The following ARHGEF4 variants were observed in gnomAD, a reference collection of about 807,000 sequenced individuals.
ARHGEF4 encodes the protein Rho guanine nucleotide exchange factor 4.
ARHGEF4 carries 119 observed loss-of-function variants against 162.0 expected under a neutral mutation model. That is an observed-to-expected ratio of 0.73 (90% CI 0.63 to 0.86). ARHGEF4 has a LOEUF of 0.86. Ranked by LOEUF, ARHGEF4 falls within the 40% of genes least tolerant of loss-of-function variation. The pLI is 0.00. For missense variants in ARHGEF4, 2,488 were observed against 2,456.0 expected (o/e 1.01, Z -0.28); for synonymous variants, 1,014 against 979.9 (o/e 1.03, Z -0.65).
intron 2 of ARHGEF4, among the ~76,000 whole-genome samples, chr2:130,927,527 T>C (rs1053072283): frequency 6.6e-6 from 1 of 152,174 alleles, no homozygotes; most frequent in African/African-American, 2.4e-5. Flanking sequence ...GTTGCATGGT[T>C]TTTACCTAAT....
intron 1 of ARHGEF4, among the ~76,000 whole-genome samples, chr2:130,890,102 G>C (rs1679775674): frequency 6.6e-6 from 1 of 152,120 alleles, no homozygotes; most frequent in South Asian, 2.1e-4. Flanking sequence ...CTTGAGATTT[G>C]TTGGACTTAA....
At chr2:130,957,871 CCTAA>C (rs952074637) in intron 4 of ARHGEF4, among the ~76,000 whole-genome samples, 8 of 152,090 alleles carry the variant, frequency 5.3e-5, no homozygotes, top group East Asian at 1.9e-4. Flanking sequence ...GTCCAGCTTC[CCTAA>C]CTGTGAGAAA....
intron 3 of ARHGEF4, among the ~76,000 whole-genome samples, chr2:130,933,092 G>A (rs576689699): frequency 6.6e-6 from 1 of 151,984 alleles, no homozygotes; most frequent in African/African-American, 2.4e-5. Flanking sequence ...GCACGCACCT[G>A]TACTCCCAGC....
chr2:130,867,629 TAAATC>T (rs759682495), intron 1 of ARHGEF4, among the ~76,000 whole-genome samples: 64 of 152,282 alleles, frequency 4.2e-4, no homozygotes, highest in Non-Finnish European at 7.6e-4. Context: ...GAAAAGGAAA[TAAATC>T]AACAGGCAAT....
At chr2:130,876,432 C>T (rs72658774) in intron 1 of ARHGEF4, among the ~76,000 whole-genome samples, 2,223 of 152,288 alleles carry the variant, frequency 0.015, 55 homozygotes, top group African/African-American at 0.051. Context: ...GTCTCTGTCA[C>T]CCAGGCTGGA....
chr2:131,034,994 G>C (rs1690134359), intron 5 of ARHGEF4: 1 of 983,884 alleles, frequency 1.0e-6, no homozygotes, highest in African/African-American at 1.8e-5. Context: ...CCAGGCCCGC[G>C]AGCGCAGGCG....
At chr2:130,944,477 C>T (rs1020016945) in intron 3 of ARHGEF4, among the ~76,000 whole-genome samples, 1 of 152,082 alleles carries the variant, frequency 6.6e-6, no homozygotes, top group South Asian at 2.1e-4. Context: ...TCTCTCTGTT[C>T]TTCAATTGGA....
At chr2:130,848,876 C>T (rs866042679) in intron 1 of ARHGEF4, among the ~76,000 whole-genome samples, 2 of 152,258 alleles carry the variant, frequency 1.3e-5, no homozygotes, top group African/African-American at 2.4e-5. Context: ...AGGTGCCAGG[C>T]ACCAGCCCCC....
intron 2 of ARHGEF4, among the ~76,000 whole-genome samples, chr2:130,923,704 G>A (rs1275444345): frequency 1.3e-5 from 2 of 152,076 alleles, no homozygotes; most frequent in South Asian, 2.1e-4. Context: ...TGACGGTGGG[G>A]CACCCTTGGC....
At chr2:130,897,182 GCA>G (rs1420035205) in intron 1 of ARHGEF4, among the ~76,000 whole-genome samples, 1 of 152,140 alleles carries the variant, frequency 6.6e-6, no homozygotes, top group Non-Finnish European at 1.5e-5. Flanking sequence ...AACCAACAGC[GCA>G]CACAGTAAAA....
chr2:130,841,750 T>C (rs772020608), intron 1 of ARHGEF4, among the ~76,000 whole-genome samples: 16 of 152,214 alleles, frequency 1.1e-4, no homozygotes, highest in Non-Finnish European at 1.8e-4. Context: ...GTTAGGGATG[T>C]TGTACAGGTT....
chr2:130,913,059 G>A (rs565903727), intron 1 of ARHGEF4, among the ~76,000 whole-genome samples: 1 of 152,246 alleles, frequency 6.6e-6, no homozygotes, highest in East Asian at 1.9e-4. Flanking sequence ...ATAGGGTTCG[G>A]TACTGGGGGG....
chr2:130,882,154 G>A lies in ARHGEF4; in HGVS notation c.40-31832G>A, dbSNP rs574535861. Among the ~76,000 whole-genome samples the A allele has an allele frequency of 1.9e-4, 29 of 152,242 alleles. 1 individual carries two copies. Among genetic ancestry groups the A allele is most frequent in the African/African-American group, 6.7e-4 (28 of 41,488 alleles). On this transcript the variant is annotated intron_variant, in intron 1 of 13. Coordinates refer to ENST00000409359, the MANE Select transcript of ARHGEF4 (RefSeq NM_001367493.1). ...CTCAGCTCCTTTCACAAAAGGTAGG[G>A]GCTGTTTGTTTGTTCGTCTTTGAGA...
intron 3 of ARHGEF4, among the ~76,000 whole-genome samples, chr2:130,936,117 T>A (rs987373236): frequency 6.6e-6 from 1 of 152,200 alleles, no homozygotes; most frequent in African/African-American, 2.4e-5. Context: ...TATGGTCTTT[T>A]CTGGAGAATG....
chr2:130,976,268 A>T (rs188941320), intron 4 of ARHGEF4, among the ~76,000 whole-genome samples: 1 of 152,238 alleles, frequency 6.6e-6, no homozygotes, highest in Admixed American at 6.5e-5. Context: ...GTGGTTAAAC[A>T]TCGCAGAGCC....
chr2:130,948,040 G>C (rs1683725956), intron 4 of ARHGEF4, among the ~76,000 whole-genome samples: 1 of 152,250 alleles, frequency 6.6e-6, no homozygotes, highest in Non-Finnish European at 1.5e-5. Flanking sequence ...GGAGGCTGTT[G>C]GTAGTCAGGT....
intron 4 of ARHGEF4, among the ~76,000 whole-genome samples, chr2:130,961,968 CG>C (rs1684649102): frequency 6.6e-6 from 1 of 152,066 alleles, no homozygotes; most frequent in South Asian, 2.1e-4. Flanking sequence ...AGGCCGGGCG[CG>C]GTGGCTCATG....
chr2:130,878,890 G>C (rs974119321), intron 1 of ARHGEF4, among the ~76,000 whole-genome samples: 20 of 152,216 alleles, frequency 1.3e-4, no homozygotes, highest in Non-Finnish European at 1.9e-4. Context: ...GCAGTACAAA[G>C]AGGTGCCTGG....
intron 2 of ARHGEF4, among the ~76,000 whole-genome samples, chr2:130,925,209 A>G (rs1279216155): frequency 1.3e-5 from 2 of 152,162 alleles, no homozygotes; most frequent in Non-Finnish European, 2.9e-5. Context: ...AAATCAAGTG[A>G]GGGGAATCAA....
Sources: allele counts gnomAD v4.1 joint callset (sites outside exome capture counted in the v4.1 genomes callset), GRCh38; gene constraint gnomAD v4.1.1; transcripts MANE v1.5; gene names NCBI Gene and HGNC (gene_info 2026-07-23, HGNC 2026-07-21).